The following FRMD4B variants were observed in gnomAD, a reference collection of about 807,000 sequenced individuals.
FRMD4B encodes the protein FERM domain containing 4B, also known as FERM domain-containing protein 4B.
Under a neutral mutation model 141.5 loss-of-function variants are expected in FRMD4B, and 74 were observed. The ratio of observed to expected loss-of-function variants is 0.52; its 90% confidence interval spans 0.43 to 0.63. The LOEUF (loss-of-function observed/expected upper bound fraction) is 0.63. Among genes scored for constraint, FRMD4B ranks in the 30% least tolerant of loss-of-function variants. The probability of loss-of-function intolerance (pLI) is 0.00; values close to 1 mark genes in which losing one functional copy is unlikely to be tolerated. For missense variants in FRMD4B, 1,366 were observed against 1,253.4 expected, an observed-to-expected ratio of 1.09 and a Z score of -1.36; for synonymous variants, 506 against 467.9, an observed-to-expected ratio of 1.08 and a Z score of -1.05.
rs1201528870 is a variant in FRMD4B at position 69,451,314 on chromosome 3, C to T, written c.-128-18553G>A. On this transcript the variant is annotated intron_variant, in intron 1 of 5. Coordinates refer to the FRMD4B transcript ENST00000459638. Reference sequence around the variant, plus strand: ...TAAACCACTACCTACATTTGTGAGACTCCAGAAAGAACTGTTGGCCTGGCA... The same window carrying T: ...TAAACCACTACCTACATTTGTGAGATTCCAGAAAGAACTGTTGGCCTGGCA... 2.0e-5 allele frequency among the ~76,000 whole-genome samples: 3 copies of T among 152,178 alleles called. No individual in the cohort carries two copies. The East Asian group carries it at 5.8e-4, about 29-fold the overall frequency.
At chr3:69,372,914 C>G (rs754965855) in intron 1 of FRMD4B, among the ~76,000 whole-genome samples, 1 of 152,104 alleles carries the variant, frequency 6.6e-6, no homozygotes, top group South Asian at 2.1e-4. Context: ...GAGTAACTTG[C>G]CCAGGGTTAT....
intron 11 of FRMD4B, among the ~76,000 whole-genome samples, chr3:69,203,680 C>T (rs149628326): frequency 6.6e-6 from 1 of 152,288 alleles, no homozygotes; most frequent in East Asian, 1.9e-4. Flanking sequence ...AATGGGACCA[C>T]CAACACCCAC....
chr3:69,179,369 T>C (rs1316204111), intron 21 of FRMD4B, among the ~76,000 whole-genome samples: 1 of 152,176 alleles, frequency 6.6e-6, no homozygotes, highest in Admixed American at 6.5e-5. Context: ...GTCTTTCCCT[T>C]GTAGTACTCT....
chr3:69,254,703 T>A (rs2093482383), intron 5 of FRMD4B, among the ~76,000 whole-genome samples: 1 of 152,134 alleles, frequency 6.6e-6, no homozygotes, highest in South Asian at 2.1e-4. Context: ...AAGGTCTGAT[T>A]TGTAGCATTA....
chr3:69,429,442 T>G (rs1705141208), intron 2 of FRMD4B, among the ~76,000 whole-genome samples: 1 of 152,170 alleles, frequency 6.6e-6, no homozygotes, highest in Non-Finnish European at 1.5e-5. Flanking sequence ...TTTTTGTCCT[T>G]GCCAGTCTCA....
chr3:69,514,505 T>C (rs1700716826), intron 1 of FRMD4B, among the ~76,000 whole-genome samples: 1 of 151,798 alleles, frequency 6.6e-6, no homozygotes, highest in African/African-American at 2.4e-5. Flanking sequence ...GCCTGGCCAA[T>C]GGGGTGAAAG....
intron 1 of FRMD4B, among the ~76,000 whole-genome samples, chr3:69,348,623 G>T (rs1316297239): frequency 6.6e-6 from 1 of 152,062 alleles, no homozygotes; most frequent in Non-Finnish European, 1.5e-5. Context: ...GCACATCAAA[G>T]ATCTTATCCA....
chr3:69,313,603 A>G, intron 1 of FRMD4B, 86 bp from the exon 2 acceptor site: 1 of 796,124 alleles, frequency 1.3e-6, no homozygotes, highest in Non-Finnish European at 2.1e-6. Context: ...ATTTTATATG[A>G]GATGGGCTCA....
At chr3:69,281,802 T>C (rs9858273) in intron 5 of FRMD4B, among the ~76,000 whole-genome samples, 141,902 of 148,656 alleles carry the variant, frequency 0.95, 68,116 homozygotes, top group South Asian at 1. Context: ...CCAGCCTGGG[T>C]GACAGAGTAA....
chr3:69,437,295 C>A (rs906562284), intron 1 of FRMD4B, among the ~76,000 whole-genome samples: 1 of 151,884 alleles, frequency 6.6e-6, no homozygotes, highest in African/African-American at 2.4e-5. Flanking sequence ...TGGTCTGGAA[C>A]TCCTAGGCTC....
intron 1 of FRMD4B, among the ~76,000 whole-genome samples, chr3:69,350,983 T>C (rs553172920): frequency 5.1e-4 from 77 of 151,386 alleles, no homozygotes; most frequent in Non-Finnish European, 9.1e-4. Context: ...AGTATAATAA[T>C]AATAAAAAAA....
At chr3:69,500,234 G>T (rs1339391770) in intron 1 of FRMD4B, among the ~76,000 whole-genome samples, 1 of 152,242 alleles carries the variant, frequency 6.6e-6, no homozygotes, top group Non-Finnish European at 1.5e-5. Context: ...CTAAGGTCAG[G>T]CATGTGGTCG....
intron 1 of FRMD4B, among the ~76,000 whole-genome samples, chr3:69,525,094 A>G (rs1319538463): frequency 6.6e-6 from 1 of 152,252 alleles, no homozygotes; most frequent in African/African-American, 2.4e-5. Context: ...GGCAGTGTTC[A>G]GTAATCATAT....
intron 1 of FRMD4B, among the ~76,000 whole-genome samples, chr3:69,494,564 G>T (rs571564105): frequency 6.6e-6 from 1 of 152,084 alleles, no homozygotes; most frequent in Non-Finnish European, 1.5e-5. Flanking sequence ...TGGGAAGAGG[G>T]GTGGTAGTCA....
intron 1 of FRMD4B, among the ~76,000 whole-genome samples, chr3:69,352,962 C>A (rs916922524): frequency 6.6e-6 from 1 of 152,118 alleles, no homozygotes; most frequent in Non-Finnish European, 1.5e-5. Context: ...GGGAAGGCCC[C>A]AAACACATCT....
At chr3:69,497,268 C>G (rs1011518435) in intron 1 of FRMD4B, among the ~76,000 whole-genome samples, 2 of 152,168 alleles carry the variant, frequency 1.3e-5, no homozygotes. Flanking sequence ...TTATAAACTA[C>G]TGATATTTGG....
intron 7 of FRMD4B, among the ~76,000 whole-genome samples, chr3:69,226,189 G>A (rs2093252572): frequency 6.6e-6 from 1 of 152,076 alleles, no homozygotes; most frequent in South Asian, 2.1e-4. Flanking sequence ...AATTACTACA[G>A]GAAATAAAAA....
intron 1 of FRMD4B, chr3:69,353,531 A>T: frequency 1.0e-6 from 1 of 979,234 alleles, no homozygotes. Flanking sequence ...TCATAAAAAA[A>T]AATCATTCTT....
Position 69,438,303 on chromosome 3 carries a change from G to A in FRMD4B, c.-128-5542C>T, listed in dbSNP as rs80002432. ...ATTTTTTTTGTAGAGACAGGTTCTC[G>A]CTTTGTTGCTCAGGTTGTTCCTGAA... On this transcript the variant is annotated intron_variant, in intron 1 of 5. Coordinates refer to the FRMD4B transcript ENST00000459638. 8.7e-3 allele frequency among the ~76,000 whole-genome samples: 1,323 copies of A among 151,712 alleles called. 18 individuals carry two copies. The highest frequency in any genetic ancestry group is 0.03 in the African/African-American group (1,230 of 41,346).
Sources: gnomAD v4.1 joint callset for allele counts (sites outside exome capture counted in the v4.1 genomes callset) on GRCh38, gnomAD v4.1.1 for gene constraint, MANE v1.5 for transcripts, NCBI Gene and HGNC (gene_info 2026-07-23, HGNC 2026-07-21) for gene names.